PCDHA9: variants seen among roughly 807,000 people sequenced by gnomAD.
PCDHA9 encodes protocadherin alpha-9.
Under a neutral mutation model 62.0 loss-of-function variants are expected in PCDHA9, and 62 were observed. The observed-to-expected ratio is 1.00, with a 90% CI of 0.81 to 1.23. The LOEUF is 1.23. Among genes scored for constraint, PCDHA9 ranks in the 50% most tolerant of loss-of-function variants. The pLI, the probability that PCDHA9 is intolerant of heterozygous loss-of-function variation, is 0.00. For missense variants in PCDHA9, 1,205 were observed against 1,249.8 expected (o/e 0.96, Z 0.54); for synonymous variants, 557 against 567.6 (o/e 0.98, Z 0.27).
At chr5:140,851,728 C>A in intron 1 of PCDHA9, 1 of 969,738 alleles carries the variant, frequency 1.0e-6, no homozygotes, top group Non-Finnish European at 1.2e-6. Context: ...ACTTCGAGTT[C>A]TTTTGAAATT....
intron 1 of PCDHA9, chr5:140,875,943 T>C (rs371245562): frequency 1.9e-6 from 3 of 1,614,072 alleles, no homozygotes; most frequent in African/African-American, 2.7e-5. Flanking sequence ...TAGAGGGCGC[T>C]TCTGATGCGG....
chr5:140,883,294 T>A (rs782475623), intron 1 of PCDHA9: 6 of 1,613,956 alleles, frequency 3.7e-6, no homozygotes, highest in Non-Finnish European at 4.2e-6. Context: ...AAGTACTAGA[T>A]GTAAATGATA....
chr5:140,858,339 A>G, intron 1 of PCDHA9: 1 of 1,595,618 alleles, frequency 6.3e-7, no homozygotes, highest in African/African-American at 1.3e-5. Context: ...GGCCTGCCCA[A>G]GGCGGACCTC....
rs782334415 is a variant in PCDHA9 at position 141,009,744 on chromosome 5, A to T, written c.2660A>T (p.Lys887Ile). 8.1e-6 allele frequency: 13 copies of T among 1,614,028 alleles called. No homozygotes were observed. Among genetic ancestry groups the T allele is most frequent in the Non-Finnish European group, 1.1e-5 (13 of 1,180,034 alleles). The change falls in exon 4 of 4, where the codon AAA becomes ATA. Residue 887 changes from lysine (K) to isoleucine (I), a missense_variant. This residue lies in a region of PCDHA9 where 887 missense variants were observed against 809.5 expected (regional missense o/e 1.10). Transcript: ENST00000532602. Reference protein sequence around the residue: ...KQSGPGELPDKFIIPGSPAII... With the variant: ...KQSGPGELPDIFIIPGSPAII... ...TCCGGTCCCGGTGAGTTGCCCGACA[A>T]ATTCATTATCCCAGGATCTCCTGCA...
intron 1 of PCDHA9, among the ~76,000 whole-genome samples, chr5:140,952,915 G>GGCATGA (rs2094816103): frequency 6.6e-6 from 1 of 151,986 alleles, no homozygotes; most frequent in African/African-American, 2.4e-5. Flanking sequence ...CATCTTACAT[G>GGCATGA]GCATGAGCAG....
At chr5:140,969,556 C>A in intron 1 of PCDHA9, 1 of 1,210,690 alleles carries the variant, frequency 8.3e-7, no homozygotes, top group Non-Finnish European at 1.1e-6. Flanking sequence ...AAGCCTTGTC[C>A]ATAAAATTGT....
chr5:140,848,422 G>A lies in PCDHA9; in HGVS notation c.-74G>A, dbSNP rs143939535. 1,502 of 1,425,074 alleles carry A rather than the reference G, an allele frequency of 1.1e-3. 85 individuals are homozygous for A. The African/African-American group carries it at 0.018, about 17-fold the overall frequency. 88.3% of individuals were successfully genotyped at this position (1,425,074 alleles called of 1,614,324 possible). ...AACGATGGCGAACACAGCAGAATGG[G>A]ACTGACGAAATCAGATGATTTCTTC... On this transcript the variant is annotated 5_prime_UTR_variant, in exon 1 of 4. Transcript: ENST00000532602.
Position 140,848,663 on chromosome 5 carries a change from G to A in PCDHA9, c.168G>A (p.Leu56=), listed in dbSNP as rs2150416390. The part of the protein sequence containing the change: ...GRIAQDLGLE[L]AELVPRLFQL... ...TCGCGCAGGACCTGGGGCTGGAGCT[G>A]GCGGAGCTGGTGCCGCGCCTGTTCC... Residue 56 remains leucine, a synonymous_variant, in exon 1 of 4, where the codon CTG becomes CTA. Transcript: ENST00000532602. 3.8e-6 allele frequency: 6 copies of A among 1,592,360 alleles called. No homozygotes were observed. In the Admixed American group the frequency reaches 5.1e-5, roughly 13 times the overall value.
chr5:140,992,363 G>T (rs1028043863), intron 3 of PCDHA9, among the ~76,000 whole-genome samples: 2 of 152,136 alleles, frequency 1.3e-5, no homozygotes, highest in Non-Finnish European at 2.9e-5. Context: ...GAGAAAAATG[G>T]TTCCCATTAC....
chr5:141,007,470 A>G (rs1395064697), intron 3 of PCDHA9, among the ~76,000 whole-genome samples: 2 of 151,494 alleles, frequency 1.3e-5, no homozygotes. Context: ...CAGGAGGCTG[A>G]GGCACGAGAA....
intron 1 of PCDHA9, chr5:140,861,660 G>A: frequency 3.7e-6 from 1 of 269,190 alleles, no homozygotes; most frequent in Non-Finnish European, 7.4e-6. Context: ...TCTGAAACGA[G>A]AGCTCTTGAT....
At chr5:140,882,018 A>C in intron 1 of PCDHA9, 2 of 559,360 alleles carry the variant, frequency 3.6e-6, no homozygotes, top group East Asian at 3.1e-5. Context: ...AAAATACTAC[A>C]TCAATGGAAA....
intron 1 of PCDHA9, among the ~76,000 whole-genome samples, chr5:140,923,708 T>C (rs1554201570): frequency 1.3e-5 from 2 of 152,216 alleles, no homozygotes; most frequent in Non-Finnish European, 2.9e-5. Context: ...CCAATTTACT[T>C]GAATAAGAAT....
At chr5:140,865,534 A>G (rs2048907246) in intron 1 of PCDHA9, 1 of 152,224 alleles carries the variant, frequency 6.6e-6, no homozygotes, top group South Asian at 2.1e-4. Flanking sequence ...CTCTTCATCC[A>G]TAGCTATAGG....
intron 1 of PCDHA9, among the ~76,000 whole-genome samples, chr5:140,907,880 A>G (rs2073662183): frequency 6.6e-6 from 1 of 152,236 alleles, no homozygotes; most frequent in Non-Finnish European, 1.5e-5. Flanking sequence ...GAGCACTCAC[A>G]TGGGATACAA....
chr5:140,933,938 T>C (rs1275274532), intron 1 of PCDHA9, among the ~76,000 whole-genome samples: 1 of 152,108 alleles, frequency 6.6e-6, no homozygotes, highest in Non-Finnish European at 1.5e-5. Context: ...TGACTTTTTT[T>C]CACATCTGCA....
In PCDHA9 at chr5:140,850,137, A is replaced by G; in HGVS notation, c.1642A>G (p.Asn548Asp). The change falls in exon 1 of 4, where the codon AAC (asparagine) becomes GAC (aspartate). Residue 548 changes from asparagine (N) to aspartate (D), a missense_variant. Physicochemically the swap from Asn to Asp is conservative, Grantham distance 23. Transcript: ENST00000532602. Reference protein sequence around the residue: ...RDAGVPPLGSNVTLQVFVLDE... With the variant: ...RDAGVPPLGSDVTLQVFVLDE... ...CGCGGGCGTGCCGCCTCTGGGCAGCAACGTGACGCTGCAGGTGTTCGTGCT... is the reference window on the plus strand; with the variant it reads ...CGCGGGCGTGCCGCCTCTGGGCAGCGACGTGACGCTGCAGGTGTTCGTGCT... The G allele has an allele frequency of 6.3e-7, 1 of 1,595,786 alleles. No homozygotes were observed. Among genetic ancestry groups the G allele is most frequent in the South Asian group, 1.1e-5 (1 of 90,486 alleles).
intron 3 of PCDHA9, among the ~76,000 whole-genome samples, chr5:140,991,146 G>A (rs2097434554): frequency 6.6e-6 from 1 of 151,978 alleles, no homozygotes; most frequent in African/African-American, 2.4e-5. Context: ...AATGTTTTTT[G>A]CTCACCATTG....
intron 1 of PCDHA9, among the ~76,000 whole-genome samples, chr5:140,966,033 G>C (rs772770928): frequency 6.6e-6 from 1 of 152,138 alleles, no homozygotes; most frequent in African/African-American, 2.4e-5. Context: ...CAGGTGAATA[G>C]TTCCCATCGC....
Sources: allele counts gnomAD v4.1 joint callset (sites outside exome capture counted in the v4.1 genomes callset), GRCh38; gene constraint gnomAD v4.1.1; regional missense constraint gnomAD v4.1.1; transcripts MANE v1.5; gene names NCBI Gene and HGNC (gene_info 2026-07-23, HGNC 2026-07-21).